SEMA3D: variants seen among roughly 807,000 people sequenced by gnomAD.
SEMA3D encodes semaphorin-3D.
In SEMA3D, 84 loss-of-function variants were observed where a neutral mutation model predicts 100.1. The observed-to-expected ratio is 0.84, with a 90% CI of 0.70 to 1.01. The LOEUF (loss-of-function observed/expected upper bound fraction) is 1.01. Ranked by LOEUF, SEMA3D falls within the 50% of genes least tolerant of loss-of-function variation. The probability of loss-of-function intolerance (pLI) is 0.00; values close to 1 mark genes in which losing one functional copy is unlikely to be tolerated. For synonymous variants in SEMA3D, 312 were observed against 320.7 expected (o/e 0.97, Z 0.29); for missense variants, 875 against 934.1 (o/e 0.94, Z 0.82).
chr7:85,246,002 G>A, the SEMA3D span, among the ~76,000 whole-genome samples: 4 of 152,084 alleles, frequency 2.6e-5, no homozygotes, highest in Non-Finnish European at 2.9e-5. Flanking sequence ...AATCTAAGAT[G>A]TAGAACATAT....
chr7:85,054,245 T>C (rs1370472145), intron 9 of SEMA3D, among the ~76,000 whole-genome samples: 1 of 152,058 alleles, frequency 6.6e-6, no homozygotes, highest in Non-Finnish European at 1.5e-5. Flanking sequence ...ACTTGCTATA[T>C]ATATTCATCA....
intron 17 of SEMA3D, among the ~76,000 whole-genome samples, chr7:85,011,454 C>T (rs1303380001): frequency 2.6e-5 from 4 of 151,770 alleles, no homozygotes; most frequent in South Asian, 2.1e-4. Context: ...GCAGCAACTA[C>T]GTTTTGTATC....
At chr7:85,015,841 A>G (rs1409487114) in intron 15 of SEMA3D, among the ~76,000 whole-genome samples, 1 of 151,792 alleles carries the variant, frequency 6.6e-6, no homozygotes, top group Non-Finnish European at 1.5e-5. Context: ...ATAAGTCCTG[A>G]AAGTAATGCA....
chr7:85,171,189 C>A (rs531003061), intron 1 of SEMA3D, among the ~76,000 whole-genome samples: 2 of 151,954 alleles, frequency 1.3e-5, no homozygotes, highest in Admixed American at 6.6e-5. Flanking sequence ...AGAATGTAAA[C>A]CCTTAAGTGG....
At chr7:85,218,577 CT>C in the SEMA3D span, among the ~76,000 whole-genome samples, 1 of 152,020 alleles carries the variant, frequency 6.6e-6, no homozygotes. Context: ...GGTAAATCAG[CT>C]CTTTTTGTGT....
chr7:85,247,824 A>C, the SEMA3D span, among the ~76,000 whole-genome samples: 1 of 152,166 alleles, frequency 6.6e-6, no homozygotes, highest in South Asian at 2.1e-4. Context: ...CAAATTATGC[A>C]AGAACAGCTG....
At chr7:85,065,770 A>G (rs898258523) in intron 7 of SEMA3D, among the ~76,000 whole-genome samples, 2 of 152,244 alleles carry the variant, frequency 1.3e-5, no homozygotes, top group Non-Finnish European at 2.9e-5. Flanking sequence ...GAATATAAAC[A>G]GGCCAAATTC....
chr7:85,155,552 T>C (rs1790567887), intron 1 of SEMA3D, among the ~76,000 whole-genome samples: 1 of 152,150 alleles, frequency 6.6e-6, no homozygotes, highest in Non-Finnish European at 1.5e-5. Context: ...AAATCTTAAA[T>C]AGTAGACAAA....
chr7:85,051,693 C>T (rs889859855), intron 9 of SEMA3D, among the ~76,000 whole-genome samples: 2 of 151,908 alleles, frequency 1.3e-5, no homozygotes, highest in African/African-American at 4.8e-5. Context: ...ATTGTGCCCC[C>T]ATATCTCAGA....
the SEMA3D span, among the ~76,000 whole-genome samples, chr7:85,212,174 C>A: frequency 2.0e-5 from 3 of 150,528 alleles, no homozygotes; most frequent in African/African-American, 7.5e-5. Flanking sequence ...TTAGCAAGGC[C>A]TGTTTGTTCA....
At chr7:85,076,958 T>C (rs1422020629) in intron 5 of SEMA3D, among the ~76,000 whole-genome samples, 2 of 151,854 alleles carry the variant, frequency 1.3e-5, no homozygotes, top group Non-Finnish European at 2.9e-5. Context: ...GAAAAAGAAA[T>C]AGCCTGGCGC....
chr7:85,115,532 T>C (rs1393176906), intron 3 of SEMA3D, among the ~76,000 whole-genome samples: 1 of 152,214 alleles, frequency 6.6e-6, no homozygotes, highest in East Asian at 1.9e-4. Flanking sequence ...TTTCCCTTTT[T>C]ATGTCTTCAA....
At chr7:85,185,326 C>T (rs1189901703) in intron 1 of SEMA3D, among the ~76,000 whole-genome samples, 1 of 152,002 alleles carries the variant, frequency 6.6e-6, no homozygotes, top group Non-Finnish European at 1.5e-5. Flanking sequence ...GAGATCCTCC[C>T]CCTCGTCTCT....
chr7:85,237,888 A>G, the SEMA3D span, among the ~76,000 whole-genome samples: 4 of 152,142 alleles, frequency 2.6e-5, no homozygotes, highest in South Asian at 2.1e-4. Flanking sequence ...CTCATCCCCA[A>G]TGAATGAGAG....
intron 1 of SEMA3D, among the ~76,000 whole-genome samples, chr7:85,155,602 T>G (rs73379849): frequency 0.033 from 4,981 of 152,252 alleles, 243 homozygotes; most frequent in African/African-American, 0.11. Flanking sequence ...ATTAAAGACA[T>G]TTTGCAAATG....
intron 2 of SEMA3D, among the ~76,000 whole-genome samples, chr7:85,135,361 T>C (rs1789829269): frequency 6.6e-6 from 1 of 152,062 alleles, no homozygotes; most frequent in African/African-American, 2.4e-5. Flanking sequence ...ATGTTGGTAG[T>C]TATAATTCAG....
chr7:85,074,947 A>G (rs1338531317), intron 5 of SEMA3D, among the ~76,000 whole-genome samples: 1 of 152,178 alleles, frequency 6.6e-6, no homozygotes, highest in East Asian at 1.9e-4. Flanking sequence ...ACAAACAATT[A>G]AGACAAAGTA....
At chr7:85,145,603 T>C (rs960457565) in intron 2 of SEMA3D, among the ~76,000 whole-genome samples, 32 of 152,132 alleles carry the variant, frequency 2.1e-4, no homozygotes, top group Admixed American at 6.5e-5. Context: ...AGCAAGATGA[T>C]AGAGTATGTT....
intron 2 of SEMA3D, chr7:85,141,796 C>T (rs775546959): frequency 2.0e-4 from 153 of 756,568 alleles, no homozygotes; most frequent in Non-Finnish European, 2.1e-4. Flanking sequence ...TGGGAAAAGG[C>T]GGTCAGTGTA....
Sources: allele counts gnomAD v4.1 joint callset (sites outside exome capture counted in the v4.1 genomes callset), GRCh38; gene constraint gnomAD v4.1.1; transcripts MANE v1.5; gene names NCBI Gene and HGNC (gene_info 2026-07-23, HGNC 2026-07-21).